The following SLC9A9 variants were observed in gnomAD, a reference collection of about 807,000 sequenced individuals.
The protein encoded by SLC9A9 is solute carrier family 9 member A9, also known as sodium/hydrogen exchanger 9.
Under a neutral mutation model 77.8 loss-of-function variants are expected in SLC9A9, and 62 were observed. The ratio of observed to expected loss-of-function variants is 0.80; its 90% CI spans 0.65 to 0.98. The LOEUF (loss-of-function observed/expected upper bound fraction) is 0.98, where lower values mean the gene tolerates loss of function less well. Ranked by LOEUF, SLC9A9 falls within the 50% of genes least tolerant of loss-of-function variation. The pLI is 0.00. For missense variants in SLC9A9, 775 were observed against 774.9 expected, an observed-to-expected ratio of 1.00 and a Z score of 0.00; for synonymous variants, 320 against 283.5, an observed-to-expected ratio of 1.13 and a Z score of -1.29.
At chr3:143,328,269 A>G (rs1423599741) in intron 14 of SLC9A9, among the ~76,000 whole-genome samples, 1 of 152,182 alleles carries the variant, frequency 6.6e-6, no homozygotes, top group East Asian at 1.9e-4. Flanking sequence ...GTATATGGCA[A>G]CTCTGTACTT....
chr3:143,546,810 TA>T (rs1175751934), intron 9 of SLC9A9, among the ~76,000 whole-genome samples: 3 of 152,194 alleles, frequency 2.0e-5, no homozygotes, highest in African/African-American at 7.2e-5. Flanking sequence ...ACCTTAAAAA[TA>T]AAAAGATATT....
chr3:143,738,913 A>ACCTTCCTAGTACACTGATGTGT (rs1935008286), intron 4 of SLC9A9, among the ~76,000 whole-genome samples: 1 of 152,166 alleles, frequency 6.6e-6, no homozygotes, highest in East Asian at 1.9e-4. Flanking sequence ...TGGATATACC[A>ACCTTCCTAGTACACTGATGTGT]CCTTCCTAGT....
intron 11 of SLC9A9, among the ~76,000 whole-genome samples, chr3:143,469,438 A>G (rs1251986051): frequency 3.9e-5 from 6 of 152,250 alleles, no homozygotes; most frequent in Non-Finnish European, 5.9e-5. Context: ...GAAAGGTTTG[A>G]ATCATACATA....
intron 6 of SLC9A9, among the ~76,000 whole-genome samples, chr3:143,611,435 A>G (rs1042110011): frequency 6.6e-6 from 1 of 152,188 alleles, no homozygotes; most frequent in Non-Finnish European, 1.5e-5. Context: ...AACATGAAAC[A>G]TGATGAGTAG....
intron 4 of SLC9A9, among the ~76,000 whole-genome samples, chr3:143,694,047 T>C (rs889611801): frequency 6.6e-6 from 1 of 152,118 alleles, no homozygotes; most frequent in Non-Finnish European, 1.5e-5. Flanking sequence ...TTTGCTAAGA[T>C]CCTAGTAGAG....
At chr3:143,634,783 C>G (rs2038485383) in intron 6 of SLC9A9, among the ~76,000 whole-genome samples, 1 of 152,104 alleles carries the variant, frequency 6.6e-6, no homozygotes, top group South Asian at 2.1e-4. Context: ...GTGGGCTCTT[C>G]TTTGGCTTAA....
At position 143,745,063 on chromosome 3, in the gene SLC9A9, T is replaced by A. The variant is rs112023894; in HGVS notation, c.533+49938A>T. Reference sequence around the variant, plus strand: ...TCAACTTTGAATGCCAGAAGCTTTTTAAAAAGAGCTTGACCTTTACACAAA... The same window carrying A: ...TCAACTTTGAATGCCAGAAGCTTTTAAAAAAGAGCTTGACCTTTACACAAA... On this transcript the variant is annotated intron_variant, in intron 4 of 15. Coordinates refer to ENST00000316549, the MANE Select transcript of SLC9A9 (RefSeq NM_173653.4). 2.7e-3 allele frequency among the ~76,000 whole-genome samples: 418 copies of A among 152,316 alleles called. 1 individual carries two copies. The highest frequency in any genetic ancestry group is 9.7e-3 in the African/African-American group (403 of 41,574).
At chr3:143,351,558 G>T (rs781085659) in intron 14 of SLC9A9, among the ~76,000 whole-genome samples, 2 of 152,110 alleles carry the variant, frequency 1.3e-5, no homozygotes, top group African/African-American at 2.4e-5. Flanking sequence ...TTGATGGTGG[G>T]GGGGAGTACC....
intron 13 of SLC9A9, among the ~76,000 whole-genome samples, chr3:143,369,665 C>G (rs1490643448): frequency 6.6e-6 from 1 of 151,892 alleles, no homozygotes; most frequent in Non-Finnish European, 1.5e-5. Context: ...AAAAAAAAAT[C>G]TCTTTGAAGG....
chr3:143,747,028 A>G (rs1935211227), intron 4 of SLC9A9, among the ~76,000 whole-genome samples: 1 of 152,128 alleles, frequency 6.6e-6, no homozygotes, highest in Non-Finnish European at 1.5e-5. Context: ...GACAATGACA[A>G]TGCTGTGGTA....
At chr3:143,347,038 C>T (rs2108469848) in intron 14 of SLC9A9, 1 of 152,262 alleles carries the variant, frequency 6.6e-6, no homozygotes, top group African/African-American at 2.4e-5. Context: ...TTTCTCCTCA[C>T]CATGTAAGCC....
intron 6 of SLC9A9, among the ~76,000 whole-genome samples, chr3:143,590,299 T>C (rs11707194): frequency 0.46 from 69,677 of 152,036 alleles, 17,065 homozygotes; most frequent in African/African-American, 0.65. Flanking sequence ...GCTTAAAATG[T>C]TACCTACAAC....
chr3:143,492,291 CA>C (rs1171323568), intron 11 of SLC9A9, among the ~76,000 whole-genome samples: 1,304 of 60,190 alleles, frequency 0.022, 12 homozygotes, highest in East Asian at 0.069. Context: ...GACTCCGTCT[CA>C]AAAAAAAAAA....
intron 9 of SLC9A9, among the ~76,000 whole-genome samples, chr3:143,526,512 C>A (rs548295091): frequency 3.3e-5 from 5 of 152,230 alleles, no homozygotes; most frequent in African/African-American, 1.2e-4. Context: ...AACAGACCTG[C>A]CCCTAATTTA....
At chr3:143,535,071 T>G (rs773515462) in intron 9 of SLC9A9, among the ~76,000 whole-genome samples, 7 of 152,180 alleles carry the variant, frequency 4.6e-5, no homozygotes, top group Non-Finnish European at 7.3e-5. Flanking sequence ...ACAACAGAAA[T>G]TAAACCATTC....
chr3:143,518,499 C>T (rs1156693742), intron 9 of SLC9A9, among the ~76,000 whole-genome samples: 1 of 152,190 alleles, frequency 6.6e-6, no homozygotes, highest in African/African-American at 2.4e-5. Flanking sequence ...TCTGGGATTC[C>T]ATCCCATCGT....
intron 4 of SLC9A9, among the ~76,000 whole-genome samples, chr3:143,769,455 A>G (rs2007441238): frequency 6.6e-6 from 1 of 152,168 alleles, no homozygotes; most frequent in South Asian, 2.1e-4. Flanking sequence ...TTAATGTTTT[A>G]TTCTTCTGTC....
At chr3:143,626,317 G>A (rs951523852) in intron 6 of SLC9A9, among the ~76,000 whole-genome samples, 7 of 152,168 alleles carry the variant, frequency 4.6e-5, no homozygotes, top group Non-Finnish European at 7.3e-5. Context: ...ACATGCACAC[G>A]TATGTTTATT....
chr3:143,556,404 T>G (rs2036984090), intron 8 of SLC9A9, among the ~76,000 whole-genome samples: 1 of 152,186 alleles, frequency 6.6e-6, no homozygotes, highest in African/African-American at 2.4e-5. Context: ...TGCTGTTGGA[T>G]CCTGCCAGTA....
Sources: gnomAD v4.1 joint callset for allele counts (sites outside exome capture counted in the v4.1 genomes callset) on GRCh38, gnomAD v4.1.1 for gene constraint, MANE v1.5 for transcripts, NCBI Gene and HGNC (gene_info 2026-07-23, HGNC 2026-07-21) for gene names.